Variants in TIAM1 observed in about 807,000 individuals in gnomAD.
TIAM1 encodes the protein TIAM Rac1 associated GEF 1, also known as rho guanine nucleotide exchange factor TIAM1.
Under a neutral mutation model 163.5 loss-of-function variants are expected in TIAM1, and 65 were observed. The ratio of observed to expected loss-of-function variants is 0.40; its 90% CI spans 0.33 to 0.49. The LOEUF (loss-of-function observed/expected upper bound fraction) is 0.49. Ranked by LOEUF, TIAM1 falls within the 20% of genes least tolerant of loss-of-function variation. The pLI, the probability that TIAM1 is intolerant of heterozygous loss-of-function variation, is 0.77. For missense variants in TIAM1, 1,789 were observed against 2,044.7 expected (o/e 0.87, Z 2.41); for synonymous variants, 833 against 810.1 (o/e 1.03, Z -0.48).
intron 2 of TIAM1, among the ~76,000 whole-genome samples, chr21:31,292,291 GTCCCT>G (rs2074052517): frequency 6.6e-6 from 1 of 151,682 alleles, no homozygotes; most frequent in African/African-American, 2.4e-5. Flanking sequence ...TTCCCCGAAG[GTCCCT>G]GAAGTATCTT....
At chr21:31,299,108 G>T (rs1241432867) in intron 2 of TIAM1, among the ~76,000 whole-genome samples, 1 of 151,888 alleles carries the variant, frequency 6.6e-6, no homozygotes, top group African/African-American at 2.4e-5. Context: ...TCTAATCATG[G>T]GTTTCTTGTC....
chr21:31,411,417 G>A (rs980741044), intron 2 of TIAM1, among the ~76,000 whole-genome samples: 1 of 151,596 alleles, frequency 6.6e-6, no homozygotes, highest in Admixed American at 6.6e-5. Flanking sequence ...TGCCACAGAG[G>A]TGCAAAAGCA....
At chr21:31,516,086 A>G (rs943918192) in intron 1 of TIAM1, among the ~76,000 whole-genome samples, 2 of 135,972 alleles carry the variant, frequency 1.5e-5, no homozygotes, top group Non-Finnish European at 3.1e-5. Flanking sequence ...CCGGCATGGG[A>G]GATACAGCGA....
intron 2 of TIAM1, among the ~76,000 whole-genome samples, chr21:31,445,407 G>C (rs1400576429): frequency 6.6e-6 from 1 of 152,168 alleles, no homozygotes; most frequent in African/African-American, 2.4e-5. Context: ...TGGTTTTGCT[G>C]AAAGAGGGGC....
rs1569068929 is a variant in TIAM1, at chr21:31,228,244, A to AGG, written c.1585-2295_1585-2294insCC. Among the ~76,000 whole-genome samples the AGG allele has an allele frequency of 1.7e-4, 9 of 51,928 alleles. 2 individuals carry two copies. Among genetic ancestry groups the AGG allele is most frequent in the Non-Finnish European group, 5.0e-4 (8 of 16,090 alleles). 34.1% of individuals were successfully genotyped at this position (51,928 alleles called of 152,430 possible). On this transcript the variant is annotated intron_variant, in intron 6 of 27. Coordinates refer to ENST00000541036, the MANE Select transcript of TIAM1 (RefSeq NM_001353694.2). ...TTAAAAAAAAAAAAAAAAAAAAAAA[A>AGG]AAAAAAAAAAAAAAAGGAAGGAAAA...
intron 3 of TIAM1, among the ~76,000 whole-genome samples, chr21:31,275,362 T>G (rs886777028): frequency 2.0e-5 from 3 of 151,938 alleles, no homozygotes; most frequent in Middle Eastern, 3.4e-3. Flanking sequence ...GTCACCGAAT[T>G]TTTTTTTACA....
At chr21:31,187,833 C>T (rs570362578) in intron 13 of TIAM1, among the ~76,000 whole-genome samples, 2 of 152,132 alleles carry the variant, frequency 1.3e-5, no homozygotes, top group South Asian at 2.1e-4. Context: ...GTTTCCAGAC[C>T]GCCTCATGTA....
At chr21:31,433,759 A>G (rs1055362007) in intron 2 of TIAM1, among the ~76,000 whole-genome samples, 1 of 152,192 alleles carries the variant, frequency 6.6e-6, no homozygotes, top group African/African-American at 2.4e-5. Flanking sequence ...TATTCCACAC[A>G]TGTGAATTTA....
intron 20 of TIAM1, among the ~76,000 whole-genome samples, chr21:31,143,812 T>C (rs111877865): frequency 0.019 from 2,914 of 151,944 alleles, 98 homozygotes; most frequent in African/African-American, 0.067. Context: ...CTGCAACCTC[T>C]ACCTCCCGAG....
At chr21:31,390,688 A>G (rs2076952066) in intron 2 of TIAM1, among the ~76,000 whole-genome samples, 1 of 152,236 alleles carries the variant, frequency 6.6e-6, no homozygotes, top group Non-Finnish European at 1.5e-5. Flanking sequence ...TCTAAAAACA[A>G]CAACAAACCA....
chr21:31,326,203 A>G (rs1465269290), intron 2 of TIAM1, among the ~76,000 whole-genome samples: 3 of 151,864 alleles, frequency 2.0e-5, no homozygotes, highest in African/African-American at 2.4e-5. Flanking sequence ...GTTCTGTTCC[A>G]TTTTTCTTAT....
intron 3 of TIAM1, among the ~76,000 whole-genome samples, chr21:31,275,806 AG>A (rs963895049): frequency 2.6e-5 from 4 of 152,192 alleles, no homozygotes; most frequent in Non-Finnish European, 2.9e-5. Flanking sequence ...ATCATATTCA[AG>A]TTAACTGTGA....
chr21:31,181,756 C>CTTTTTTTTTTT lies in TIAM1; in HGVS notation c.2887+654_2887+664dup, dbSNP rs781153297. On this transcript the variant is annotated intron_variant, in intron 15 of 27. Coordinates refer to ENST00000541036, the MANE Select transcript of TIAM1 (RefSeq NM_001353694.2). ...CCCAGCACTTCTTCTTCTTCTTCTTCTTTTTTTTTTTTTTTTTTTTTTTTT... is the reference window on the plus strand; with the variant it reads ...CCCAGCACTTCTTCTTCTTCTTCTTCTTTTTTTTTTTTTTTTTTTTTTTTTTTTTTTTTTTT... 3.4e-4 allele frequency among the ~76,000 whole-genome samples: 14 copies of CTTTTTTTTTTT among 41,342 alleles called. 4 individuals are homozygous for CTTTTTTTTTTT. Among genetic ancestry groups the CTTTTTTTTTTT allele is most frequent in the Admixed American group, 6.6e-4 (2 of 3,010 alleles). The allele number at this position is 41,342 out of a possible 152,430, so 27.1% of individuals were successfully genotyped here.
chr21:31,482,611 G>A (rs1242567086), intron 1 of TIAM1, among the ~76,000 whole-genome samples: 1 of 151,524 alleles, frequency 6.6e-6, no homozygotes, highest in East Asian at 1.9e-4. Flanking sequence ...GATGGCTTCT[G>A]GTGGGAGGTG....
chr21:31,129,571 T>C (rs2082331543), intron 25 of TIAM1, among the ~76,000 whole-genome samples: 1 of 152,150 alleles, frequency 6.6e-6, no homozygotes, highest in Admixed American at 6.5e-5. Flanking sequence ...TCCCAGGTAC[T>C]TGGAAAAGAT....
At chr21:31,436,867 A>G (rs1171657027) in intron 2 of TIAM1, among the ~76,000 whole-genome samples, 1 of 151,990 alleles carries the variant, frequency 6.6e-6, no homozygotes, top group African/African-American at 2.4e-5. Flanking sequence ...CTGACACAGG[A>G]GAATCGCTTG....
chr21:31,400,561 T>C (rs1298739349), intron 2 of TIAM1, among the ~76,000 whole-genome samples: 2 of 152,218 alleles, frequency 1.3e-5, no homozygotes, highest in African/African-American at 4.8e-5. Context: ...TGCCTTTGAA[T>C]GGATTTTAGC....
chr21:31,479,594 C>A (rs139032265), intron 1 of TIAM1, among the ~76,000 whole-genome samples: 4 of 151,896 alleles, frequency 2.6e-5, no homozygotes, highest in Non-Finnish European at 5.9e-5. Context: ...TTGGAATTGG[C>A]GATGATGGGA....
At position 31,120,026 on chromosome 21, in the gene TIAM1, T is replaced by G. The variant is rs1277453432; in HGVS notation, c.*342A>C. ...TGTGTGCTACTATCCCTTAAATTAA[T>G]CTGTTGTACATCCGTTAACTCCTGG... On this transcript the variant is annotated 3_prime_UTR_variant, in exon 28 of 28. Coordinates refer to ENST00000541036, the MANE Select transcript of TIAM1 (RefSeq NM_001353694.2). The surrounding 1 kb of genome is among the most constrained non-coding windows in gnomAD (Gnocchi z 4.2). 5.1e-6 allele frequency: 1 copy of G among 195,342 alleles called. No homozygotes were observed. The highest frequency in any genetic ancestry group is 1.0e-5 in the Non-Finnish European group (1 of 96,432). The allele number at this position is 195,342 out of a possible 1,614,324, so 12.1% of individuals were successfully genotyped here.
Sources: gnomAD v4.1 joint callset for allele counts (sites outside exome capture counted in the v4.1 genomes callset) on GRCh38, gnomAD v4.1.1 for gene constraint, Gnocchi (gnomAD v3.1) non-coding constraint, MANE v1.5 for transcripts, NCBI Gene and HGNC (gene_info 2026-07-23, HGNC 2026-07-21) for gene names.